RWDD2B: variants seen among roughly 807,000 people sequenced by gnomAD.
RWDD2B encodes the protein RWD domain-containing protein 2B.
In RWDD2B, 36 loss-of-function variants were observed where a neutral mutation model predicts 33.6. The observed-to-expected ratio is 1.07, with a 90% confidence interval of 0.82 to 1.42. The LOEUF is 1.42. Ranked by LOEUF, RWDD2B falls within the 40% of genes most tolerant of loss-of-function variation. RWDD2B has a pLI of 0.00. For missense variants in RWDD2B, 364 were observed against 377.5 expected (o/e 0.96, Z 0.30); for synonymous variants, 126 against 133.1 (o/e 0.95, Z 0.37).
intron 1 of RWDD2B, among the ~76,000 whole-genome samples, chr21:29,018,968 AG>A: frequency 6.6e-6 from 1 of 152,136 alleles, no homozygotes; most frequent in African/African-American, 2.4e-5. Context: ...AGACGCTCTC[AG>A]GAAGAAAGCC....
chr21:29,019,261 G>C lies in RWDD2B; in HGVS notation c.17C>G (p.Ser6Cys). 1.9e-6 allele frequency: 3 copies of C among 1,605,388 alleles called. No homozygotes were observed. Among genetic ancestry groups the C allele is most frequent in the Non-Finnish European group, 2.5e-6 (3 of 1,176,586 alleles). Residue 6 changes from serine (S) to cysteine (C), a missense_variant, in exon 1 of 5, where the codon TCC (serine) becomes TGC (cysteine). Ser to Cys is a moderately radical substitution (Grantham distance 112). Coordinates refer to ENST00000493196, the MANE Select transcript of RWDD2B (RefSeq NM_016940.3). Reference protein sequence around the residue: MKIELSMQPWNPGYSS... With the variant: MKIELCMQPWNPGYSS... The stretch of plus-strand genomic sequence containing the variant: ...GTAACCCGGGTTCCATGGCTGCATG[G>C]ACAGCTCAATTTTCATCAGAAGGGA...
In RWDD2B at chr21:29,018,891, GAAT is replaced by G. The variant is rs903294525; in HGVS notation, c.67+317_67+319del. Among the ~76,000 whole-genome samples the G allele has an allele frequency of 1.8e-4, 27 of 152,302 alleles. No homozygotes were observed. In the East Asian group the frequency reaches 4.4e-3, roughly 25 times the overall value. The stretch of plus-strand genomic sequence containing the variant: ...GACTGAAACTTGAGATTTCTGAGTG[GAAT>G]AATATCTTTTCCTTGCAGATTTTTT... On this transcript the variant is annotated intron_variant, in intron 1 of 4. Transcript: ENST00000493196.
Position 29,004,791 on chromosome 21 carries a change from AC to A in RWDD2B, c.*1625del, listed in dbSNP as rs1234931097. On this transcript the variant is annotated 3_prime_UTR_variant, in exon 5 of 5. Coordinates refer to ENST00000493196, the MANE Select transcript of RWDD2B (RefSeq NM_016940.3). ...TTCTGATTCTCATTTATGTTTAACC[AC>A]CTTTATATTTAAGATCTATCCACAT... 2.0e-5 allele frequency: 3 copies of A among 152,142 alleles called. No homozygotes were observed. The highest frequency in any genetic ancestry group is 1.3e-4 in the Admixed American group (2 of 15,266). 9.4% of individuals were successfully genotyped at this position (152,142 alleles called of 1,614,324 possible). A position where few individuals can be genotyped will look rare whatever the true frequency, so the allele number is the denominator to read the frequency against.
chr21:29,006,571 TC>T lies in RWDD2B; in HGVS notation c.805del (p.Glu269LysfsTer33), dbSNP rs2084829889. ...IPFDGTNDET[E>X]RQRKFSIFEE... is the part of the protein sequence containing the mutation. ...AAAAATGGAAAATTTCCTTTGTCTT[TC>T]CGTTTCATCATTTGTACCATCAAAA... On this transcript the variant is annotated frameshift_variant, in exon 5 of 5. Transcript: ENST00000493196. LOFTEE classifies it high-confidence loss of function. 1 of 1,613,960 alleles carries T rather than the reference TC, an allele frequency of 6.2e-7. No individual in the cohort carries two copies. Among genetic ancestry groups the T allele is most frequent in the East Asian group, 2.2e-5 (1 of 44,874 alleles).
intron 1 of RWDD2B, among the ~76,000 whole-genome samples, chr21:29,011,605 C>T (rs1316965412): frequency 2.1e-5 from 3 of 142,432 alleles, no homozygotes; most frequent in East Asian, 2.1e-4. Context: ...GTCAGCCCCC[C>T]ACCCGGCCAG....
chr21:29,008,768 A>G (rs2084842684), intron 1 of RWDD2B, 147 bp from the exon 2 acceptor site: 1 of 630,112 alleles, frequency 1.6e-6, no homozygotes, highest in Non-Finnish European at 2.7e-6. Context: ...CTCTACTTTC[A>G]GATATAATAT....
In RWDD2B at chr21:29,019,304, T is replaced by A; in HGVS notation, c.-27A>T. On this transcript the variant is annotated 5_prime_UTR_variant, in exon 1 of 5. The change abolishes an upstream ATG in the 5' untranslated region. Coordinates refer to ENST00000493196, the MANE Select transcript of RWDD2B (RefSeq NM_016940.3). ...AGAAGGGAGCCTCAAAATTCTAGCA[T>A]ACTGCGACCCAAAACTTACAAACCG... 1 of 1,555,238 alleles carries A rather than the reference T, an allele frequency of 6.4e-7. No homozygotes were observed.
At chr21:29,011,798 C>T (rs1482752619) in intron 1 of RWDD2B, among the ~76,000 whole-genome samples, 4 of 135,240 alleles carry the variant, frequency 3.0e-5, no homozygotes, top group African/African-American at 5.5e-5. Flanking sequence ...CCAGCCGCCC[C>T]GTCTGGGAGG....
intron 1 of RWDD2B, among the ~76,000 whole-genome samples, chr21:29,009,925 C>T (rs1171720917): frequency 6.6e-6 from 1 of 152,088 alleles, no homozygotes; most frequent in African/African-American, 2.4e-5. Flanking sequence ...TATCTCCCTC[C>T]CCACCAAATA....
At chr21:29,017,272 A>G (rs2084895042) in intron 1 of RWDD2B, among the ~76,000 whole-genome samples, 2 of 152,132 alleles carry the variant, frequency 1.3e-5, no homozygotes, top group African/African-American at 4.8e-5. Context: ...AAAGTAATAA[A>G]ACAACTCTAC....
chr21:29,006,727 A>C (rs982104437), intron 4 of RWDD2B, 76 bp from the exon 5 acceptor site: 2 of 805,542 alleles, frequency 2.5e-6, no homozygotes, highest in Non-Finnish European at 3.9e-6. Context: ...TATAAAACAG[A>C]TTTATCAATG....
intron 1 of RWDD2B, among the ~76,000 whole-genome samples, chr21:29,017,871 G>C (rs2084897854): frequency 6.6e-6 from 1 of 152,168 alleles, no homozygotes; most frequent in South Asian, 2.1e-4. Context: ...GAGGGTGCTA[G>C]AACAGCTGGC....
rs749801535 is a variant in RWDD2B, at chr21:29,006,495, A to C, written c.882T>G (p.Phe294Leu). 6 of 1,614,130 alleles carry C rather than the reference A, an allele frequency of 3.7e-6. No homozygotes were observed. In the South Asian group the frequency reaches 4.4e-5, roughly 12 times the overall value. ...TGTTTAAGAACTGATAGAGCTGACC[A>C]AAGTCCATGTGGTTTCCCCTGGCTC... The part of the protein sequence containing the change: ...VNGARGNHMD[F>L]GQLYQFLNTK... The change falls in exon 5 of 5, where the codon TTT becomes TTG. Residue 294 changes from phenylalanine to leucine, a missense_variant. By Grantham distance (22) the Phe-to-Leu change is conservative. Coordinates refer to ENST00000493196, the MANE Select transcript of RWDD2B (RefSeq NM_016940.3).
Position 29,019,211 on chromosome 21 carries a change from C to A in RWDD2B, c.67G>T (p.Glu23Ter). 6.3e-7 allele frequency: 1 copy of A among 1,598,406 alleles called. No homozygotes were observed. The change falls in exon 1 of 5, where the codon GAA becomes TAA. Residue 23 changes from glutamate (E) to a stop codon, truncating the protein, a stop_gained and splice_region_variant. Coordinates refer to ENST00000493196, the MANE Select transcript of RWDD2B (RefSeq NM_016940.3). LOFTEE classifies it high-confidence loss of function. ...GYSSEGATAQ[E>*]TYTCPKMIEM... Reference sequence around the variant, plus strand: ...TGGCGCTAGCTGAGGCGAGACTCACCTTGAGCCGTGGCCCCCTCACTGCTG... The same window carrying A: ...TGGCGCTAGCTGAGGCGAGACTCACATTGAGCCGTGGCCCCCTCACTGCTG...
intron 1 of RWDD2B, among the ~76,000 whole-genome samples, chr21:29,018,741 A>T (rs1024071474): frequency 5.9e-5 from 9 of 152,352 alleles, no homozygotes; most frequent in African/African-American, 2.2e-4. Context: ...CTGTAATCCC[A>T]GCACTTTGGG....
At chr21:29,014,590 G>A (rs1486675934) in intron 1 of RWDD2B, among the ~76,000 whole-genome samples, 1 of 152,162 alleles carries the variant, frequency 6.6e-6, no homozygotes, top group Non-Finnish European at 1.5e-5. Context: ...GGGAGGCCAA[G>A]GCAGGCAGAT....
intron 1 of RWDD2B, among the ~76,000 whole-genome samples, chr21:29,013,247 G>C (rs1342981135): frequency 6.6e-6 from 1 of 151,854 alleles, no homozygotes; most frequent in East Asian, 1.9e-4. Context: ...ACTATGATGG[G>C]TTAGTAAATT....
In RWDD2B at chr21:29,008,377, A is replaced by C. The variant is rs2084839812; in HGVS notation, c.294+18T>G. The C allele has an allele frequency of 1.9e-6, 3 of 1,613,388 alleles. No homozygotes were observed. The highest frequency in any genetic ancestry group is 2.5e-6 in the Non-Finnish European group (3 of 1,179,354). On this transcript the variant is annotated intron_variant, in intron 2 of 4. Coordinates refer to ENST00000493196, the MANE Select transcript of RWDD2B (RefSeq NM_016940.3). Reference sequence around the variant, plus strand: ...GTCTCAACATGTTTCAATCCCTCTAAAAGCAAAACTGAATTACCATTTTTT... The same window carrying C: ...GTCTCAACATGTTTCAATCCCTCTACAAGCAAAACTGAATTACCATTTTTT...
Position 29,015,206 on chromosome 21 carries a change from G to C in RWDD2B, c.67+4005C>G, listed in dbSNP as rs180935209. Among the ~76,000 whole-genome samples, 9 of 138,512 alleles carry C rather than the reference G, an allele frequency of 6.5e-5. No individual in the cohort carries two copies. The East Asian group carries it at 1.9e-3, about 29-fold the overall frequency. The allele number at this position is 138,512 out of a possible 152,430, so 90.9% of individuals were successfully genotyped here. On this transcript the variant is annotated intron_variant, in intron 1 of 4. Transcript: ENST00000493196. ...AATTTTTCATTGTCTTTGGTTTTCA[G>C]AAGTTTGATTATGATGCGTTTTTTT...
Sources: gnomAD v4.1 joint callset for allele counts (sites outside exome capture counted in the v4.1 genomes callset) on GRCh38, gnomAD v4.1.1 for gene constraint, MANE v1.5 for transcripts, NCBI Gene and HGNC (gene_info 2026-07-23, HGNC 2026-07-21) for gene names.